RBFOX1: variants seen among roughly 807,000 people sequenced by gnomAD.
RBFOX1 encodes the protein RNA binding protein fox-1 homolog 1.
A neutral mutation model predicts 57.7 loss-of-function variants in RBFOX1; 8 were observed. That is an observed-to-expected ratio of 0.14 (90% CI 0.08 to 0.25). The LOEUF is 0.25. Among genes scored for constraint, RBFOX1 ranks in the 10% least tolerant of loss-of-function variants. The pLI, the probability that RBFOX1 is intolerant of heterozygous loss-of-function variation, is 1.00. For synonymous variants in RBFOX1, 326 were observed against 222.4 expected (o/e 1.47, Z -4.15); for missense variants, 611 against 548.5 (o/e 1.11, Z -1.14).
intron 2 of RBFOX1, among the ~76,000 whole-genome samples, chr16:5,563,338 ACTGT>A (rs1307940037): frequency 6.6e-6 from 1 of 152,166 alleles, no homozygotes; most frequent in East Asian, 1.9e-4. Context: ...AGGTGAACTA[ACTGT>A]CTGTCCTCCA....
At chr16:6,085,176 C>A (rs146081636) in intron 1 of RBFOX1, among the ~76,000 whole-genome samples, 58 of 152,270 alleles carry the variant, frequency 3.8e-4, no homozygotes, top group African/African-American at 1.4e-3. Context: ...CAGATCCAGA[C>A]CTCTCCTCCT....
intron 3 of RBFOX1, among the ~76,000 whole-genome samples, chr16:5,784,489 C>T (rs573310782): frequency 1.3e-4 from 19 of 151,998 alleles, no homozygotes; most frequent in Middle Eastern, 3.4e-3. Context: ...AGCAGAGAGA[C>T]GGGGGAGGTA....
At chr16:7,511,397 T>C (rs1209829156) in intron 4 of RBFOX1, among the ~76,000 whole-genome samples, 1 of 152,144 alleles carries the variant, frequency 6.6e-6, no homozygotes, top group Non-Finnish European at 1.5e-5. Context: ...CATCTTATTT[T>C]CTCTCTGACT....
chr16:6,950,532 C>T (rs1364311348), intron 3 of RBFOX1, among the ~76,000 whole-genome samples: 1 of 152,082 alleles, frequency 6.6e-6, no homozygotes, highest in Non-Finnish European at 1.5e-5. Context: ...TTGCATTTGG[C>T]CATTATTTCC....
At chr16:5,305,892 A>C (rs1352798173) in intron 1 of RBFOX1, among the ~76,000 whole-genome samples, 1 of 152,070 alleles carries the variant, frequency 6.6e-6, no homozygotes, top group Non-Finnish European at 1.5e-5. Context: ...CCCCATCTGT[A>C]CAAAAAATTA....
intron 1 of RBFOX1, among the ~76,000 whole-genome samples, chr16:6,289,319 T>C (rs1253739358): frequency 6.6e-6 from 1 of 152,098 alleles, no homozygotes; most frequent in Non-Finnish European, 1.5e-5. Flanking sequence ...TGTTATTCTT[T>C]GCACCATCAA....
chr16:5,457,124 G>A (rs1158530077), intron 1 of RBFOX1, among the ~76,000 whole-genome samples: 1 of 152,030 alleles, frequency 6.6e-6, no homozygotes, highest in African/African-American at 2.4e-5. Context: ...TGGGGAGAGA[G>A]ATCATCTGTC....
chr16:5,296,250 T>C lies in RBFOX1; in HGVS notation c.219+56145T>C, dbSNP rs183091463. Among the ~76,000 whole-genome samples the C allele has an allele frequency of 2.1e-4, 32 of 152,356 alleles. 2 individuals carry two copies. In the East Asian group the frequency reaches 6.2e-3, roughly 29 times the overall value. The stretch of plus-strand genomic sequence containing the variant: ...TTTTATGAAAAGCAGCATCTGCATC[T>C]GTGTAGATGCATCTTTGAGGGACTA... On this transcript the variant is annotated intron_variant, in intron 1 of 2. Transcript: ENST00000585867.
At chr16:7,507,674 C>A (rs887295407) in intron 4 of RBFOX1, among the ~76,000 whole-genome samples, 5 of 146,960 alleles carry the variant, frequency 3.4e-5, no homozygotes, top group African/African-American at 1.3e-4. Context: ...CGCCATTCTT[C>A]TGCCTCAACC....
At chr16:7,607,435 G>A in intron 10 of RBFOX1, 97 bp downstream of exon 10, 1 of 1,088,744 alleles carries the variant, frequency 9.2e-7, no homozygotes, top group East Asian at 2.4e-5. Context: ...CCTGAAGCAA[G>A]TGAATTCCTA....
intron 4 of RBFOX1, among the ~76,000 whole-genome samples, chr16:7,437,856 A>G (rs556184588): frequency 5.3e-4 from 81 of 152,152 alleles, no homozygotes; most frequent in Middle Eastern, 6.8e-3. Flanking sequence ...GTCCATTGGA[A>G]GCAAAGTCAG....
chr16:5,309,953 G>C (rs906575730), intron 1 of RBFOX1, among the ~76,000 whole-genome samples: 1 of 152,148 alleles, frequency 6.6e-6, no homozygotes, highest in Non-Finnish European at 1.5e-5. Context: ...TTGATTTAGA[G>C]AGAGCTGCTT....
intron 4 of RBFOX1, among the ~76,000 whole-genome samples, chr16:7,060,089 A>G (rs2053778711): frequency 6.6e-6 from 1 of 152,158 alleles, no homozygotes; most frequent in Non-Finnish European, 1.5e-5. Flanking sequence ...CAAACCCAGA[A>G]TTGATACCAT....
intron 3 of RBFOX1, among the ~76,000 whole-genome samples, chr16:5,659,788 A>C (rs554935525): frequency 6.6e-6 from 1 of 152,332 alleles, no homozygotes; most frequent in Non-Finnish European, 1.5e-5. Flanking sequence ...GGTTTTTAGC[A>C]GAATCTGTGG....
At chr16:6,907,421 C>G (rs1216077139) in intron 3 of RBFOX1, among the ~76,000 whole-genome samples, 1 of 152,158 alleles carries the variant, frequency 6.6e-6, no homozygotes, top group African/African-American at 2.4e-5. Context: ...GAACTAAAGA[C>G]TTGGTGGTTT....
intron 4 of RBFOX1, among the ~76,000 whole-genome samples, chr16:7,294,443 T>C (rs538188221): frequency 2.0e-5 from 3 of 151,822 alleles, no homozygotes; most frequent in South Asian, 2.1e-4. Flanking sequence ...TTTTGACATA[T>C]GTCAGTTGGC....
intron 1 of RBFOX1, among the ~76,000 whole-genome samples, chr16:5,343,050 G>C (rs1160297999): frequency 1.3e-5 from 2 of 152,142 alleles, no homozygotes; most frequent in African/African-American, 2.4e-5. Context: ...TAATCAATAA[G>C]GAGTGGTCAT....
At chr16:7,116,501 A>G (rs550127127) in intron 4 of RBFOX1, among the ~76,000 whole-genome samples, 34 of 152,138 alleles carry the variant, frequency 2.2e-4, no homozygotes, top group Middle Eastern at 3.2e-3. Context: ...TCACAAGTAA[A>G]TAAGTAGTCA....
At chr16:6,784,442 C>G (rs1443897118) in intron 3 of RBFOX1, among the ~76,000 whole-genome samples, 1 of 152,116 alleles carries the variant, frequency 6.6e-6, no homozygotes, top group Non-Finnish European at 1.5e-5. Context: ...TTCTTCAGCT[C>G]TGCAATTTCT....
Sources: allele counts gnomAD v4.1 joint callset (sites outside exome capture counted in the v4.1 genomes callset), GRCh38; gene constraint gnomAD v4.1.1; transcripts MANE v1.5; gene names NCBI Gene and HGNC (gene_info 2026-07-23, HGNC 2026-07-21).